CYSLTR1: variants seen among roughly 807,000 people sequenced by gnomAD.
CYSLTR1 encodes cysteinyl leukotriene receptor 1, also known as G-protein coupled receptor HG55.
CYSLTR1 carries 1 observed loss-of-function variant against 2.1 expected under a neutral mutation model. The ratio of observed to expected loss-of-function variants is 0.48; its 90% CI spans 0.17 to 2.28. The LOEUF (loss-of-function observed/expected upper bound fraction) is 2.28. CYSLTR1 is among the 30% of genes most tolerant of loss of function. The pLI is 0.26. For synonymous variants in CYSLTR1, 110 were observed against 89.6 expected (o/e 1.23, Z -1.28); for missense variants, 299 against 250.1 (o/e 1.20, Z -1.32).
At position 78,272,545 on chromosome X, in the gene CYSLTR1, A is replaced by G. The variant is rs1921311310; in HGVS notation, c.*188T>C. 4 of 361,688 alleles carry G rather than the reference A, an allele frequency of 1.1e-5. No individual in the cohort carries two copies. The highest frequency in any genetic ancestry group is 2.9e-4 in the South Asian group (2 of 6,962). The allele number at this position is 361,688 out of a possible 1,213,427, so 29.8% of individuals were successfully genotyped here. On this transcript the variant is annotated 3_prime_UTR_variant, in exon 3 of 3. Transcript: ENST00000373304. ...AATTCAGTTCATAGTTGTGGACCGA[A>G]TTTTTAGCACTTAAAATATCTATAA... is the stretch of plus-strand genomic sequence containing the variant.
chrX:78,278,897 C>T (rs1921719494), intron 2 of CYSLTR1, among the ~76,000 whole-genome samples: 1 of 112,411 alleles, frequency 8.9e-6, no homozygotes, highest in African/African-American at 3.2e-5. Context: ...AGATAACTGG[C>T]TAGTGCCATA....
At chrX:78,291,353 G>T (rs952795035) in intron 1 of CYSLTR1, among the ~76,000 whole-genome samples, 1 of 111,740 alleles carries the variant, frequency 8.9e-6, no homozygotes, top group Non-Finnish European at 1.9e-5. Flanking sequence ...GCTGGATTTA[G>T]TTTGCCAGTA....
chrX:78,301,371 T>C (rs907094967), intron 1 of CYSLTR1, among the ~76,000 whole-genome samples: 1 of 112,479 alleles, frequency 8.9e-6, no homozygotes, highest in African/African-American at 3.2e-5. Flanking sequence ...TAAAACTGAA[T>C]GCTTTTAACA....
intron 1 of CYSLTR1, among the ~76,000 whole-genome samples, chrX:78,307,126 C>T (rs1227746972): frequency 8.9e-6 from 1 of 112,067 alleles, no homozygotes; most frequent in African/African-American, 3.2e-5. Context: ...CAACTAAAAA[C>T]AACATCCAAT....
intron 1 of CYSLTR1, among the ~76,000 whole-genome samples, chrX:78,322,381 T>G (rs1335116190): frequency 8.9e-6 from 1 of 112,271 alleles, no homozygotes; most frequent in Non-Finnish European, 1.9e-5. Context: ...AAAATGTAAA[T>G]TTTTATTATT....
chrX:78,281,910 A>G (rs1921860269), intron 2 of CYSLTR1, among the ~76,000 whole-genome samples: 1 of 111,971 alleles, frequency 8.9e-6, no homozygotes, highest in African/African-American at 3.2e-5. Flanking sequence ...TAAAATCTTC[A>G]GTGATTTAGA....
chrX:78,286,794 A>G (rs1230292284), intron 1 of CYSLTR1, among the ~76,000 whole-genome samples: 1 of 110,571 alleles, frequency 9.0e-6, no homozygotes, highest in Non-Finnish European at 1.9e-5. Context: ...TAATGTGGGT[A>G]TACTACTTGG....
At chrX:78,277,851 C>A (rs1436202212) in intron 2 of CYSLTR1, among the ~76,000 whole-genome samples, 5 of 111,980 alleles carry the variant, frequency 4.5e-5, no homozygotes, top group Non-Finnish European at 7.5e-5. Context: ...GCTCTGACAA[C>A]TCTAAAATCC....
rs745607492 is a variant in CYSLTR1, at chrX:78,273,347, A to T, written c.400T>A (p.Leu134Met). 8.3e-7 allele frequency: 1 copy of T among 1,211,331 alleles called. No homozygotes were observed. The highest frequency in any genetic ancestry group is 1.8e-5 in the South Asian group (1 of 56,937). Residue 134 changes from leucine to methionine, a missense_variant, in exon 3 of 3, where the codon TTG (leucine) becomes ATG (methionine). Coordinates refer to ENST00000373304, the MANE Select transcript of CYSLTR1 (RefSeq NM_006639.4). The part of the protein sequence containing the change: ...AIVFPVQNIN[L>M]VTQKKARFVC... ...AACCTGGCTTTTTTCTGTGTAACCA[A>T]ATTAATGTTCTGGACTGGAAAAACA...
At chrX:78,303,118 C>A (rs186894593) in intron 1 of CYSLTR1, among the ~76,000 whole-genome samples, 47 of 111,827 alleles carry the variant, frequency 4.2e-4, no homozygotes, top group Non-Finnish European at 3.6e-4. Context: ...TCTGTAATTC[C>A]CCTCTGCCTA....
At chrX:78,280,048 C>T (rs770542862) in intron 2 of CYSLTR1, among the ~76,000 whole-genome samples, 5 of 110,836 alleles carry the variant, frequency 4.5e-5, no homozygotes, top group African/African-American at 6.6e-5. Flanking sequence ...TAATCCTCAG[C>T]ATCACACAAT....
rs187750884 is a variant in CYSLTR1 at position 78,283,734 on chromosome X, A to G, written c.-114-194T>C. On this transcript the variant is annotated intron_variant, in intron 1 of 2. Transcript: ENST00000373304. Reference sequence around the variant, plus strand: ...CATCTGTTTTTACAGTCCCAGGGGGAAACTTGGAATACAGACAAGGGCTCA... The same window carrying G: ...CATCTGTTTTTACAGTCCCAGGGGGGAACTTGGAATACAGACAAGGGCTCA... 1.3e-4 allele frequency among the ~76,000 whole-genome samples: 14 copies of G among 111,774 alleles called. No homozygotes were observed. The East Asian group carries it at 3.9e-3, about 31-fold the overall frequency.
At chrX:78,297,285 T>C (rs1393316503) in intron 1 of CYSLTR1, among the ~76,000 whole-genome samples, 2 of 111,878 alleles carry the variant, frequency 1.8e-5, no homozygotes, top group Admixed American at 1.9e-4. Flanking sequence ...TCAAATTTGG[T>C]TTGCTAGTAT....
chrX:78,324,830 T>C (rs1265378686), intron 1 of CYSLTR1, among the ~76,000 whole-genome samples: 2 of 111,829 alleles, frequency 1.8e-5, no homozygotes, highest in Non-Finnish European at 3.8e-5. Context: ...TAGATGTTCA[T>C]GTGGCCTGAA....
chrX:78,275,644 T>C (rs184778813), intron 2 of CYSLTR1, among the ~76,000 whole-genome samples: 2 of 110,109 alleles, frequency 1.8e-5, no homozygotes, highest in Non-Finnish European at 3.8e-5. Flanking sequence ...GATGAGTTAA[T>C]GGGTGCAGCA....
In CYSLTR1 at chrX:78,275,002, A is replaced by G. The variant is rs1199922029; in HGVS notation, c.-27-1229T>C. On this transcript the variant is annotated intron_variant, in intron 2 of 2. Coordinates refer to ENST00000373304, the MANE Select transcript of CYSLTR1 (RefSeq NM_006639.4). Reference sequence around the variant, plus strand: ...AATGCTCATCATCACTGGCCATCAGAGAAATGCAAATCAAAACCACAATGA... The same window carrying G: ...AATGCTCATCATCACTGGCCATCAGGGAAATGCAAATCAAAACCACAATGA... 2.7e-5 allele frequency among the ~76,000 whole-genome samples: 3 copies of G among 111,894 alleles called. No homozygotes were observed. In the East Asian group the frequency reaches 8.3e-4, roughly 31 times the overall value.
chrX:78,319,271 C>G (rs1246566220), intron 1 of CYSLTR1: 1 of 69,388 alleles, frequency 1.4e-5, no homozygotes, highest in Non-Finnish European at 2.6e-5. Flanking sequence ...CCCCTCCCCC[C>G]ACCCCACAAC....
Position 78,297,056 on chromosome X carries a change from G to A in CYSLTR1, c.-114-13516C>T, listed in dbSNP as rs762573717. ...TGTAATAGGGCTTTTATTACTTGAG[G>A]CATGTTTCTTTTATACTTAGTTTTT... On this transcript the variant is annotated intron_variant, in intron 1 of 2. Transcript: ENST00000373304. Among the ~76,000 whole-genome samples, 7 of 111,345 alleles carry A rather than the reference G, an allele frequency of 6.3e-5. No homozygotes were observed. In the East Asian group the frequency reaches 1.4e-3, roughly 22 times the overall value.
intron 1 of CYSLTR1, among the ~76,000 whole-genome samples, chrX:78,326,578 C>G (rs1352578625): frequency 8.9e-6 from 1 of 112,053 alleles, no homozygotes; most frequent in Non-Finnish European, 1.9e-5. Flanking sequence ...ATGTTCCTGG[C>G]TAAAGATTTT....
Sources: allele counts gnomAD v4.1 joint callset (sites outside exome capture counted in the v4.1 genomes callset), GRCh38; gene constraint gnomAD v4.1.1; transcripts MANE v1.5; gene names NCBI Gene and HGNC (gene_info 2026-07-23, HGNC 2026-07-21).